CDH18: variants seen among roughly 807,000 people sequenced by gnomAD.
CDH18 encodes cadherin-18.
Under a neutral mutation model 67.9 loss-of-function variants are expected in CDH18, and 31 were observed. That is an observed-to-expected ratio of 0.46 (90% confidence interval 0.34 to 0.62). The LOEUF (loss-of-function observed/expected upper bound fraction) is 0.62. Ranked by LOEUF, CDH18 falls within the 20% of genes least tolerant of loss-of-function variation. The pLI, the probability that CDH18 is intolerant of heterozygous loss-of-function variation, is 0.01. For missense variants in CDH18, 890 were observed against 975.5 expected, an observed-to-expected ratio of 0.91 and a Z score of 1.17; for synonymous variants, 362 against 347.2, an observed-to-expected ratio of 1.04 and a Z score of -0.48.
At chr5:20,357,793 G>A (rs1235097575) in intron 1 of CDH18, among the ~76,000 whole-genome samples, 1 of 152,052 alleles carries the variant, frequency 6.6e-6, no homozygotes, top group Non-Finnish European at 1.5e-5. Flanking sequence ...TCCCATTATT[G>A]GGTATATACC....
In CDH18 at chr5:20,156,901, C is replaced by G. The variant is rs535038673; in HGVS notation, c.-518+98543G>C. Among the ~76,000 whole-genome samples, 3 of 152,246 alleles carry G rather than the reference C, an allele frequency of 2.0e-5. No homozygotes were observed. In the South Asian group the frequency reaches 6.2e-4, roughly 32 times the overall value. ...ACAGAAATTTAAAATGCCAATACATCTAACTTACATTCTGATATAGTAGTC... is the reference window on the plus strand; with the variant it reads ...ACAGAAATTTAAAATGCCAATACATGTAACTTACATTCTGATATAGTAGTC... On this transcript the variant is annotated intron_variant, in intron 2 of 14. Coordinates refer to the CDH18 transcript ENST00000507958.
chr5:19,577,109 G>T lies in CDH18; in HGVS notation c.1000-5277C>A, dbSNP rs1742442247. Among the ~76,000 whole-genome samples the T allele has an allele frequency of 5.3e-5, 8 of 152,226 alleles. No individual in the cohort carries two copies. In the South Asian group the frequency reaches 1.7e-3, roughly 32 times the overall value. ...GGAATAGAGAGGTGAGTAGGAAAAG[G>T]GGAGACATTGGTTAATGGGTACAAT... On this transcript the variant is annotated intron_variant, in intron 7 of 12. Transcript: ENST00000382275.
chr5:19,517,260 C>A (rs1456990018), intron 10 of CDH18, among the ~76,000 whole-genome samples: 2 of 152,152 alleles, frequency 1.3e-5, no homozygotes, highest in East Asian at 3.9e-4. Flanking sequence ...TGCTGGTTGG[C>A]TCTTTCTATG....
At chr5:20,194,319 C>G (rs1296437562) in intron 2 of CDH18, among the ~76,000 whole-genome samples, 1 of 151,916 alleles carries the variant, frequency 6.6e-6, no homozygotes, top group African/African-American at 2.4e-5. Flanking sequence ...TTATCTTTAT[C>G]TTTTTAGAGG....
At chr5:20,428,107 A>T (rs1212996702) in intron 1 of CDH18, among the ~76,000 whole-genome samples, 1 of 150,208 alleles carries the variant, frequency 6.7e-6, no homozygotes, top group Non-Finnish European at 1.5e-5. Flanking sequence ...TCCCCCACCC[A>T]CCAACAGGCC....
intron 2 of CDH18, among the ~76,000 whole-genome samples, chr5:20,099,144 C>T (rs1032605132): frequency 1.3e-5 from 2 of 152,142 alleles, no homozygotes; most frequent in African/African-American, 4.8e-5. Context: ...AGATGTCTGG[C>T]AGCACATAAT....
chr5:19,739,429 A>T (rs1295134340), intron 4 of CDH18, among the ~76,000 whole-genome samples: 2 of 152,288 alleles, frequency 1.3e-5, no homozygotes, highest in South Asian at 4.2e-4. Context: ...GCTGGTAACC[A>T]GCATCCACCA....
intron 12 of CDH18, among the ~76,000 whole-genome samples, chr5:19,480,323 G>C (rs891255104): frequency 6.6e-6 from 1 of 151,486 alleles, no homozygotes; most frequent in African/African-American, 2.4e-5. Flanking sequence ...GAAAACAGCA[G>C]TTCTGACCAA....
At chr5:20,411,843 T>C (rs1746806951) in intron 1 of CDH18, among the ~76,000 whole-genome samples, 1 of 151,904 alleles carries the variant, frequency 6.6e-6, no homozygotes, top group South Asian at 2.1e-4. Flanking sequence ...GAAAAATTGC[T>C]ACAAGGAGAA....
chr5:20,375,065 T>C (rs1238430098), intron 1 of CDH18, among the ~76,000 whole-genome samples: 1 of 152,216 alleles, frequency 6.6e-6, no homozygotes, highest in Non-Finnish European at 1.5e-5. Flanking sequence ...TTGTGACTCT[T>C]ATTGGGCAGT....
intron 2 of CDH18, among the ~76,000 whole-genome samples, chr5:20,220,193 G>A (rs1428335255): frequency 6.6e-6 from 1 of 151,772 alleles, no homozygotes; most frequent in African/African-American, 2.4e-5. Context: ...GAGCAAAACG[G>A]GAGGAACCAT....
intron 2 of CDH18, among the ~76,000 whole-genome samples, chr5:20,055,866 CTGG>C (rs1160803876): frequency 6.6e-6 from 1 of 151,804 alleles, no homozygotes; most frequent in Non-Finnish European, 1.5e-5. Flanking sequence ...GTATAAGCAT[CTGG>C]TTCTAAGATC....
chr5:19,732,275 T>C (rs1767705916), intron 4 of CDH18, among the ~76,000 whole-genome samples: 1 of 151,436 alleles, frequency 6.6e-6, no homozygotes, highest in Non-Finnish European at 1.5e-5. Context: ...ACCTAGTTTC[T>C]ACAAAAAAAA....
At chr5:19,982,355 T>C (rs1014888187) in intron 1 of CDH18, among the ~76,000 whole-genome samples, 1 of 151,952 alleles carries the variant, frequency 6.6e-6, no homozygotes, top group Middle Eastern at 3.2e-3. Context: ...AAAAAATAAA[T>C]ACAATATAAA....
intron 2 of CDH18, among the ~76,000 whole-genome samples, chr5:20,118,986 G>A (rs991193127): frequency 2.6e-5 from 4 of 152,088 alleles, no homozygotes; most frequent in African/African-American, 9.7e-5. Context: ...ATTTAAAATA[G>A]TCCCTAAGAC....
chr5:19,885,016 CA>C, intron 2 of CDH18, among the ~76,000 whole-genome samples: 1 of 152,082 alleles, frequency 6.6e-6, no homozygotes, highest in Admixed American at 6.6e-5. Flanking sequence ...TACGGCAGTT[CA>C]AAAAAATAAT....
At chr5:20,222,122 C>T (rs1741276046) in intron 2 of CDH18, among the ~76,000 whole-genome samples, 1 of 152,092 alleles carries the variant, frequency 6.6e-6, no homozygotes, top group Admixed American at 6.6e-5. Flanking sequence ...TAGCAGAGTC[C>T]ATGAAGCCAA....
At chr5:20,359,183 G>A (rs1053392819) in intron 1 of CDH18, among the ~76,000 whole-genome samples, 1 of 151,766 alleles carries the variant, frequency 6.6e-6, no homozygotes, top group South Asian at 2.1e-4. Flanking sequence ...CACCCACCTC[G>A]GCCTCCCAAA....
At chr5:19,773,828 C>T (rs941908366) in intron 3 of CDH18, among the ~76,000 whole-genome samples, 1 of 151,916 alleles carries the variant, frequency 6.6e-6, no homozygotes, top group Non-Finnish European at 1.5e-5. Context: ...AACTATAAAA[C>T]CTAAAAGGAT....
Sources: allele counts gnomAD v4.1 joint callset (sites outside exome capture counted in the v4.1 genomes callset), GRCh38; gene constraint gnomAD v4.1.1; transcripts MANE v1.5; gene names NCBI Gene and HGNC (gene_info 2026-07-23, HGNC 2026-07-21).